TRPM3: variants seen among roughly 807,000 people sequenced by gnomAD.
The protein encoded by TRPM3 is long transient receptor potential channel 3.
Under a neutral mutation model 181.2 loss-of-function variants are expected in TRPM3, and 77 were observed. That is an observed-to-expected ratio of 0.42 (90% confidence interval 0.35 to 0.51). TRPM3 has a LOEUF of 0.51. Among genes scored for constraint, TRPM3 ranks in the 20% least tolerant of loss-of-function variants. The pLI, the probability that TRPM3 is intolerant of heterozygous loss-of-function variation, is 0.01. For synonymous variants in TRPM3, 745 were observed against 796.4 expected (o/e 0.94, Z 1.09); for missense variants, 1,759 against 2,196.7 (o/e 0.80, Z 3.98).
At chr9:70,966,132 A>C (rs1433658042) in intron 1 of TRPM3, among the ~76,000 whole-genome samples, 1 of 152,106 alleles carries the variant, frequency 6.6e-6, no homozygotes, top group Admixed American at 6.6e-5. Context: ...GTGGCCAACA[A>C]GCATATGAAA....
chr9:71,219,622 A>G (rs529423928), intron 1 of TRPM3, among the ~76,000 whole-genome samples: 2 of 152,342 alleles, frequency 1.3e-5, no homozygotes, highest in East Asian at 1.9e-4. Context: ...TGACACAAGT[A>G]TTTAAGCATG....
At chr9:70,854,709 CT>C (rs1330270219) in intron 3 of TRPM3, among the ~76,000 whole-genome samples, 1 of 152,160 alleles carries the variant, frequency 6.6e-6, no homozygotes, top group African/African-American at 2.4e-5. Context: ...GAATAAGTTA[CT>C]CATGGCTGGA....
At chr9:71,345,816 T>C (rs753577071) in intron 1 of TRPM3, among the ~76,000 whole-genome samples, 1 of 152,190 alleles carries the variant, frequency 6.6e-6, no homozygotes, top group Non-Finnish European at 1.5e-5. Context: ...TAAAATATGC[T>C]GAATATTATT....
intron 18 of TRPM3, among the ~76,000 whole-genome samples, chr9:70,614,117 G>T (rs2062395072): frequency 6.6e-6 from 1 of 152,010 alleles, no homozygotes; most frequent in East Asian, 1.9e-4. Flanking sequence ...TATATGCCTG[G>T]GTTCTAATCT....
intron 1 of TRPM3, among the ~76,000 whole-genome samples, chr9:71,274,723 G>A (rs183318521): frequency 1.5e-4 from 23 of 152,312 alleles, no homozygotes; most frequent in Middle Eastern, 3.4e-3. Flanking sequence ...ATGAGCTTTC[G>A]TCTACAAACT....
At chr9:71,163,746 T>A (rs928297199) in intron 1 of TRPM3, among the ~76,000 whole-genome samples, 5 of 152,006 alleles carry the variant, frequency 3.3e-5, no homozygotes, top group Non-Finnish European at 7.4e-5. Context: ...AAGACCCTAC[T>A]ATTAAAGGAG....
intron 9 of TRPM3, among the ~76,000 whole-genome samples, chr9:70,653,677 CAA>C (rs71507003): frequency 0.25 from 25,942 of 103,070 alleles, 3,245 homozygotes; most frequent in African/African-American, 0.4. Context: ...CTTCCTGTCT[CAA>C]AAAAAAAAAA....
intron 1 of TRPM3, among the ~76,000 whole-genome samples, chr9:71,004,140 T>C (rs1017131232): frequency 1.3e-5 from 2 of 152,228 alleles, no homozygotes; most frequent in African/African-American, 2.4e-5. Flanking sequence ...GCAGGGTAGC[T>C]GCCCTATGCT....
At chr9:71,251,827 T>C (rs1206964691) in intron 1 of TRPM3, among the ~76,000 whole-genome samples, 1 of 152,154 alleles carries the variant, frequency 6.6e-6, no homozygotes, top group African/African-American at 2.4e-5. Flanking sequence ...TTTGTACCCA[T>C]TAACCATCTT....
chr9:70,974,262 G>A (rs146799046), intron 1 of TRPM3, among the ~76,000 whole-genome samples: 31 of 152,090 alleles, frequency 2.0e-4, no homozygotes, highest in African/African-American at 6.8e-4. Context: ...TTACGTGGCC[G>A]GGCGCGGTGG....
At chr9:71,341,790 G>A (rs1307606394) in intron 1 of TRPM3, among the ~76,000 whole-genome samples, 2 of 151,868 alleles carry the variant, frequency 1.3e-5, no homozygotes, top group Non-Finnish European at 2.9e-5. Flanking sequence ...TATGTAAGAT[G>A]TTAACTTAAA....
chr9:70,782,458 C>T (rs957195266), intron 7 of TRPM3, among the ~76,000 whole-genome samples: 1 of 152,060 alleles, frequency 6.6e-6, no homozygotes, highest in Non-Finnish European at 1.5e-5. Context: ...GTGATCCACC[C>T]GCCTTGGCCT....
chr9:70,655,537 T>C (rs1317194216), intron 9 of TRPM3, among the ~76,000 whole-genome samples: 1 of 152,112 alleles, frequency 6.6e-6, no homozygotes. Flanking sequence ...AGCCAGTGAA[T>C]TTGTATTTAT....
chr9:70,975,207 A>G (rs12351733), intron 1 of TRPM3, among the ~76,000 whole-genome samples: 44,914 of 151,972 alleles, frequency 0.3, 6,645 homozygotes, highest in East Asian at 0.37. Context: ...GACAATTTTA[A>G]TGAAGGAGTT....
intron 7 of TRPM3, chr9:70,783,737 T>G (rs1294489834): frequency 1.6e-6 from 1 of 624,302 alleles, no homozygotes; most frequent in African/African-American, 2.0e-5. Flanking sequence ...GTTACCAACC[T>G]GAACCATCTG....
intron 1 of TRPM3, among the ~76,000 whole-genome samples, chr9:70,933,423 G>C (rs894959009): frequency 6.6e-6 from 1 of 152,104 alleles, no homozygotes; most frequent in Non-Finnish European, 1.5e-5. Context: ...CAGAGAACTG[G>C]GAAGAAAACC....
chr9:71,305,019 C>T (rs1192829274), intron 1 of TRPM3, among the ~76,000 whole-genome samples: 1 of 152,114 alleles, frequency 6.6e-6, no homozygotes, highest in South Asian at 2.1e-4. Flanking sequence ...TCTTAAAATA[C>T]CCCTGTGAGA....
rs993525084 is a variant in TRPM3, at chr9:70,664,611, G to C, written c.1345+16895C>G. On this transcript the variant is annotated intron_variant, in intron 9 of 25. Transcript: ENST00000677713. ...CATGGACATGGGGGATTCTCCATGA[G>C]AGCCACAACCACACCCGATTAGGAG... 1.1e-4 allele frequency among the ~76,000 whole-genome samples: 16 copies of C among 150,386 alleles called. 1 individual carries two copies. In the South Asian group the frequency reaches 1.3e-3, roughly 12 times the overall value.
chr9:70,923,860 A>G (rs2096688437), intron 1 of TRPM3, among the ~76,000 whole-genome samples: 1 of 84,084 alleles, frequency 1.2e-5, no homozygotes, highest in African/African-American at 5.2e-5. Context: ...ACACACACAT[A>G]TATATATATA....
Sources: gnomAD v4.1 joint callset for allele counts (sites outside exome capture counted in the v4.1 genomes callset) on GRCh38, gnomAD v4.1.1 for gene constraint, MANE v1.5 for transcripts, NCBI Gene and HGNC (gene_info 2026-07-23, HGNC 2026-07-21) for gene names.